MAST2: variants seen among roughly 807,000 people sequenced by gnomAD.
MAST2 encodes the protein microtubule associated serine/threonine kinase 2.
A neutral mutation model predicts 147.4 loss-of-function variants in MAST2; 70 were observed. That is an observed-to-expected ratio of 0.47 (90% CI 0.39 to 0.58). MAST2 has a LOEUF of 0.58. Among genes scored for constraint, MAST2 ranks in the 20% least tolerant of loss-of-function variants. The pLI is 0.00. For missense variants in MAST2, 2,080 were observed against 2,302.3 expected (o/e 0.90, Z 1.98); for synonymous variants, 869 against 896.8 (o/e 0.97, Z 0.55).
chr1:45,883,434 A>G (rs1646931545), intron 4 of MAST2, among the ~76,000 whole-genome samples: 1 of 152,168 alleles, frequency 6.6e-6, no homozygotes, highest in African/African-American at 2.4e-5. Flanking sequence ...TTTGATATGA[A>G]GAGGCTTGAG....
rs1029539414 is a variant in MAST2, at chr1:45,983,524, T to C, written c.593-14200T>C. 2.6e-5 allele frequency among the ~76,000 whole-genome samples: 4 copies of C among 151,022 alleles called. No individual in the cohort carries two copies. In the South Asian group the frequency reaches 8.4e-4, roughly 32 times the overall value. ...TTTTTTGTCTGAGACAAGATCTTACTCTGTTACCCAGGCTGGAGTGCAGTG... is the reference window on the plus strand; with the variant it reads ...TTTTTTGTCTGAGACAAGATCTTACCCTGTTACCCAGGCTGGAGTGCAGTG... On this transcript the variant is annotated intron_variant, in intron 5 of 28. Coordinates refer to ENST00000361297, the MANE Select transcript of MAST2 (RefSeq NM_015112.3).
At chr1:46,004,941 C>T (rs1007566989) in intron 7 of MAST2, among the ~76,000 whole-genome samples, 7 of 152,172 alleles carry the variant, frequency 4.6e-5, no homozygotes, top group Admixed American at 6.5e-5. Context: ...GTGGCATGCA[C>T]CTGCAGTTTC....
chr1:45,811,165 T>G (rs1324275254), intron 1 of MAST2, among the ~76,000 whole-genome samples: 2 of 143,128 alleles, frequency 1.4e-5, no homozygotes, highest in Non-Finnish European at 3.0e-5. Context: ...GCAGTATATT[T>G]CTTTTTTTTT....
Position 46,029,603 on chromosome 1 carries a change from G to A in MAST2, c.2320+36G>A, listed in dbSNP as rs777505642. ...CCCTGCTAACTTTTCTCACTACTTG[G>A]AAAAGGGGTAAGGGAGGCTGAGTCA... On this transcript the variant is annotated intron_variant, in intron 19 of 28. Transcript: ENST00000361297. 7 of 1,592,906 alleles carry A rather than the reference G, an allele frequency of 4.4e-6. No homozygotes were observed. The South Asian group carries it at 5.6e-5, about 13-fold the overall frequency.
intron 4 of MAST2, among the ~76,000 whole-genome samples, chr1:45,934,336 A>T (rs1655863005): frequency 6.6e-6 from 1 of 152,174 alleles, no homozygotes; most frequent in Non-Finnish European, 1.5e-5. Context: ...TTACAAAAAA[A>T]TTAGCCGGGC....
chr1:45,862,320 A>G (rs995509087), intron 3 of MAST2, among the ~76,000 whole-genome samples: 1 of 152,140 alleles, frequency 6.6e-6, no homozygotes. Flanking sequence ...TGAGGTGGGG[A>G]AAGATGGGGT....
At chr1:45,811,271 A>C (rs1388396200) in intron 1 of MAST2, among the ~76,000 whole-genome samples, 2 of 150,578 alleles carry the variant, frequency 1.3e-5, no homozygotes, top group African/African-American at 4.9e-5. Context: ...GGTTCAAGCA[A>C]TTCTCCTGCC....
At chr1:45,956,746 G>A (rs548365352) in intron 4 of MAST2, among the ~76,000 whole-genome samples, 4 of 152,308 alleles carry the variant, frequency 2.6e-5, no homozygotes, top group Admixed American at 6.5e-5. Flanking sequence ...TGGGCTTTTG[G>A]TATGGTGGAT....
At chr1:45,811,212 G>A (rs1481669199) in intron 1 of MAST2, among the ~76,000 whole-genome samples, 1 of 150,820 alleles carries the variant, frequency 6.6e-6, no homozygotes, top group Non-Finnish European at 1.5e-5. Context: ...TGTCTCCCAG[G>A]CTGGAGTGCG....
At chr1:45,872,022 C>T (rs148042581) in intron 3 of MAST2, among the ~76,000 whole-genome samples, 2 of 152,340 alleles carry the variant, frequency 1.3e-5, no homozygotes, top group African/African-American at 4.8e-5. Flanking sequence ...AGCCACAGCA[C>T]CTTGCCTCGT....
At chr1:45,819,258 A>T (rs1019833684) in intron 1 of MAST2, among the ~76,000 whole-genome samples, 10 of 152,094 alleles carry the variant, frequency 6.6e-5, no homozygotes, top group Admixed American at 5.2e-4. Context: ...GTCTCAAAAA[A>T]AAAAAAAAAA....
At chr1:46,004,317 TC>T (rs980344894) in intron 7 of MAST2, among the ~76,000 whole-genome samples, 15 of 133,042 alleles carry the variant, frequency 1.1e-4, no homozygotes, top group African/African-American at 4.4e-4. Flanking sequence ...TGAGCCGAGA[TC>T]ACACCACTGC....
intron 4 of MAST2, among the ~76,000 whole-genome samples, chr1:45,945,776 A>T (rs1249158636): frequency 1.3e-5 from 2 of 152,216 alleles, no homozygotes; most frequent in Admixed American, 1.3e-4. Flanking sequence ...CTGGTCTAGA[A>T]ATGTAACCTG....
Position 46,031,012 on chromosome 1 carries a change from G to T in MAST2, c.2714G>T (p.Arg905Leu). Residue 905 changes from arginine to leucine, a missense_variant, in exon 23 of 29, where the codon CGG becomes CTG. Coordinates refer to ENST00000361297, the MANE Select transcript of MAST2 (RefSeq NM_015112.3). The surrounding 1 kb of genome is among the most constrained non-coding windows in gnomAD (Gnocchi z 4.1). Reference protein sequence around the residue: ...SWVIGSPEILRKRLSVSESSH... With the variant: ...SWVIGSPEILLKRLSVSESSH... ...CCAGGCCTTGTGTCTCATAGATTAC[G>T]GAAGCGGCTGTCGGTGTCTGAGTCA... The T allele has an allele frequency of 6.2e-7, 1 of 1,613,178 alleles. No homozygotes were observed. The highest frequency in any genetic ancestry group is 1.1e-5 in the South Asian group (1 of 90,950).
chr1:45,994,831 T>C (rs1019878256), intron 5 of MAST2, among the ~76,000 whole-genome samples: 8 of 151,698 alleles, frequency 5.3e-5, no homozygotes, highest in Admixed American at 6.6e-5. Flanking sequence ...AATAGCCATA[T>C]CTTCCATAAT....
chr1:45,823,300 T>C (rs1288183124), intron 1 of MAST2, among the ~76,000 whole-genome samples: 1 of 151,818 alleles, frequency 6.6e-6, no homozygotes, highest in Non-Finnish European at 1.5e-5. Context: ...TTGAAGCTTG[T>C]TTTTCAAATG....
At chr1:45,849,638 T>C (rs892586290) in intron 3 of MAST2, among the ~76,000 whole-genome samples, 3 of 151,970 alleles carry the variant, frequency 2.0e-5, no homozygotes, top group African/African-American at 7.2e-5. Flanking sequence ...ACCATTCTCC[T>C]GCCTCAGCCT....
intron 4 of MAST2, among the ~76,000 whole-genome samples, chr1:45,952,948 C>A (rs1006993209): frequency 1.3e-5 from 2 of 152,050 alleles, no homozygotes; most frequent in Admixed American, 1.3e-4. Flanking sequence ...TCTAAGCAAG[C>A]AATTATTGTA....
chr1:45,985,016 T>G (rs1005494351), intron 5 of MAST2, among the ~76,000 whole-genome samples: 2 of 152,220 alleles, frequency 1.3e-5, no homozygotes, highest in Non-Finnish European at 2.9e-5. Context: ...CAAATGTTAC[T>G]GTGATAAAAT....
Sources: allele counts gnomAD v4.1 joint callset (sites outside exome capture counted in the v4.1 genomes callset), GRCh38; gene constraint gnomAD v4.1.1; non-coding constraint Gnocchi (gnomAD v3.1); transcripts MANE v1.5; gene names NCBI Gene and HGNC (gene_info 2026-07-23, HGNC 2026-07-21).